The following HERC2 variants were observed in gnomAD, a reference collection of about 807,000 sequenced individuals.
HERC2 encodes E3 ubiquitin-protein ligase HERC2.
Under a neutral mutation model 537.7 loss-of-function variants are expected in HERC2, and 102 were observed. The ratio of observed to expected loss-of-function variants is 0.19; its 90% CI spans 0.16 to 0.22. The LOEUF is 0.22. Ranked by LOEUF, HERC2 falls within the 10% of genes least tolerant of loss-of-function variation. The pLI is 1.00. For synonymous variants in HERC2, 2,224 were observed against 2,466.2 expected (o/e 0.90, Z 2.91); for missense variants, 4,236 against 6,198.2 (o/e 0.68, Z 10.63).
intron 55 of HERC2, among the ~76,000 whole-genome samples, chr15:28,188,598 AT>A (rs1300265565): frequency 6.6e-5 from 10 of 151,708 alleles, no homozygotes; most frequent in Non-Finnish European, 1.5e-5. Flanking sequence ...CCAAGGTTAT[AT>A]TTTGTTAAGC....
At chr15:28,126,146 T>A (rs963337475) in intron 83 of HERC2, among the ~76,000 whole-genome samples, 1 of 151,706 alleles carries the variant, frequency 6.6e-6, no homozygotes, top group Non-Finnish European at 1.5e-5. Context: ...TAAAAAAAAA[T>A]AGATGTTGGT....
intron 4 of HERC2, 93 bp downstream of exon 4, chr15:28,292,795 T>C: frequency 7.8e-7 from 1 of 1,285,756 alleles, no homozygotes; most frequent in Non-Finnish European, 1.1e-6. Context: ...TTTTTTAAAA[T>C]TGTTACCAAA....
chr15:28,113,040 C>G lies in HERC2; in HGVS notation c.14232+31G>C, dbSNP rs1160213548. 11 of 1,600,112 alleles carry G rather than the reference C, an allele frequency of 6.9e-6. No homozygotes were observed. The highest frequency in any genetic ancestry group is 8.5e-6 in the Non-Finnish European group (10 of 1,171,148). ...CCACCCACCGTCGGCCGACATCAGC[C>G]CAGGGCCGGCAAGCCCAGCCAGGAG... On this transcript the variant is annotated intron_variant, in intron 92 of 92. Transcript: ENST00000261609. The surrounding 1 kb of genome is among the most constrained non-coding windows in gnomAD (Gnocchi z 7.0).
intron 44 of HERC2, among the ~76,000 whole-genome samples, chr15:28,206,608 T>C (rs113452024): frequency 4.7e-4 from 71 of 151,130 alleles, no homozygotes; most frequent in African/African-American, 1.6e-3. Context: ...CCAAGGCGGG[T>C]GGATCACAAG....
In HERC2 at chr15:28,114,620, T is replaced by C. The variant is rs765454328; in HGVS notation, c.13905A>G (p.Ile4635Met). The C allele has an allele frequency of 3.1e-6, 5 of 1,613,198 alleles. No individual in the cohort carries two copies. In the African/African-American group the frequency reaches 4.0e-5, roughly 13 times the overall value. Reference sequence around the variant, plus strand: ...GACGGATGACCACCAACCTATAGTTTATCGCCAGCCGCACGTACTCCGCGC... The same window carrying C: ...GACGGATGACCACCAACCTATAGTTCATCGCCAGCCGCACGTACTCCGCGC... The part of the protein sequence containing the change: ...DNRAEYVRLA[I>M]NYRLHEFDEQ... The change falls in exon 90 of 93, where the codon ATA (isoleucine) becomes ATG (methionine). Residue 4635 changes from isoleucine (I) to methionine (M), a missense_variant. By Grantham distance (10) the Ile-to-Met change is conservative (BLOSUM62 1). Transcript: ENST00000261609.
chr15:28,216,238 C>T (rs2140462709), intron 38 of HERC2, among the ~76,000 whole-genome samples: 1 of 152,190 alleles, frequency 6.6e-6, no homozygotes, highest in African/African-American at 2.4e-5. Context: ...TGCAACAGTG[C>T]ATCTATTATA....
At chr15:28,121,811 G>A (rs967147028) in intron 85 of HERC2, among the ~76,000 whole-genome samples, 1 of 152,232 alleles carries the variant, frequency 6.6e-6, no homozygotes, top group Non-Finnish European at 1.5e-5. Context: ...GCCCACCCGT[G>A]GCAGGGATTG....
intron 7 of HERC2, 36 bp from the exon 8 acceptor site, chr15:28,273,040 C>T: frequency 6.8e-7 from 1 of 1,470,790 alleles, no homozygotes; most frequent in Non-Finnish European, 9.5e-7. Context: ...AACAAAGCAA[C>T]CTCCAGAAAG....
chr15:28,265,983 G>T lies in HERC2; in HGVS notation c.1599-9C>A, dbSNP rs761771219. 1.9e-6 allele frequency: 3 copies of T among 1,612,934 alleles called. No individual in the cohort carries two copies. The highest frequency in any genetic ancestry group is 2.2e-5 in the South Asian group (2 of 90,902). Reference sequence around the variant, plus strand: ...TAGGCTCCTCCAAAGGCCTTGGGGAGAAAGGGAACAAACATGAATGCCCTT... The same window carrying T: ...TAGGCTCCTCCAAAGGCCTTGGGGATAAAGGGAACAAACATGAATGCCCTT... On this transcript the variant is annotated splice_polypyrimidine_tract_variant and intron_variant, in intron 12 of 92. Transcript: ENST00000261609. This position sits in a 1 kb window ranked among gnomAD's most constrained non-coding sequence, Gnocchi z 4.0.
intron 4 of HERC2, among the ~76,000 whole-genome samples, chr15:28,285,807 A>AAAAAT (rs1436298252): frequency 6.6e-6 from 1 of 151,214 alleles, no homozygotes; most frequent in East Asian, 1.9e-4. Flanking sequence ...GACTGACAAA[A>AAAAAT]AAAAAAAAAA....
intron 2 of HERC2, among the ~76,000 whole-genome samples, chr15:28,314,687 T>A (rs1448901942): frequency 1.3e-5 from 2 of 151,566 alleles, no homozygotes; most frequent in Non-Finnish European, 2.9e-5. Flanking sequence ...AAACCCCGTC[T>A]CTACTAAAAA....
At chr15:28,269,499 A>G (rs2075661462) in intron 10 of HERC2, 63 bp from the exon 11 acceptor site, 1 of 1,288,130 alleles carries the variant, frequency 7.8e-7, no homozygotes, top group African/African-American at 1.5e-5. Context: ...GGCTGGGAGT[A>G]ACACTGAGCT....
At chr15:28,305,316 G>C (rs1259136310) in intron 2 of HERC2, among the ~76,000 whole-genome samples, 5 of 152,140 alleles carry the variant, frequency 3.3e-5, no homozygotes, top group African/African-American at 1.2e-4. Flanking sequence ...GGTTGAACTA[G>C]TACCAAAACA....
intron 68 of HERC2, among the ~76,000 whole-genome samples, chr15:28,164,970 A>C (rs1258642973): frequency 6.6e-6 from 1 of 152,254 alleles, no homozygotes; most frequent in Non-Finnish European, 1.5e-5. Flanking sequence ...CAGCAGTAAC[A>C]GCATAATAAA....
At chr15:28,199,433 C>T (rs1307560357) in intron 48 of HERC2, among the ~76,000 whole-genome samples, 1 of 152,208 alleles carries the variant, frequency 6.6e-6, no homozygotes, top group Admixed American at 6.5e-5. Flanking sequence ...GCTTCCTGGT[C>T]ATCTTTATAC....
intron 57 of HERC2, among the ~76,000 whole-genome samples, chr15:28,182,053 T>C (rs769880385): frequency 5.9e-5 from 9 of 152,200 alleles, no homozygotes; most frequent in Non-Finnish European, 1.2e-4. Flanking sequence ...AATTTGCTCA[T>C]CTGTGGGCCA....
chr15:28,314,589 G>C lies in HERC2; in HGVS notation c.72+6773C>G, dbSNP rs567694992. ...GAATCATATGTCAGCCAAGCACGGT[G>C]GCTCACACCTGTCATCTCAGACTTT... On this transcript the variant is annotated intron_variant, in intron 2 of 92. Transcript: ENST00000261609. Among the ~76,000 whole-genome samples, 43 of 152,118 alleles carry C rather than the reference G, an allele frequency of 2.8e-4. 1 individual carries two copies. The South Asian group carries it at 8.5e-3, about 30-fold the overall frequency.
intron 38 of HERC2, among the ~76,000 whole-genome samples, chr15:28,216,157 G>A (rs1286414554): frequency 6.6e-6 from 1 of 152,050 alleles, no homozygotes; most frequent in Non-Finnish European, 1.5e-5. Context: ...AGTAAAAGTA[G>A]TTAGGGAATT....
chr15:28,275,460 C>A (rs547330107), intron 5 of HERC2, among the ~76,000 whole-genome samples: 1 of 152,226 alleles, frequency 6.6e-6, no homozygotes, highest in Non-Finnish European at 1.5e-5. Context: ...GCGGGTGAAG[C>A]CCTGCGTGCT....
Sources: gnomAD v4.1 joint callset for allele counts (sites outside exome capture counted in the v4.1 genomes callset) on GRCh38, gnomAD v4.1.1 for gene constraint, Gnocchi (gnomAD v3.1) non-coding constraint, MANE v1.5 for transcripts, NCBI Gene and HGNC (gene_info 2026-07-23, HGNC 2026-07-21) for gene names.